CNTNAP2: variants seen among roughly 807,000 people sequenced by gnomAD.
The protein encoded by CNTNAP2 is contactin associated protein 2, also known as contactin-associated protein-like 2.
A neutral mutation model predicts 155.2 loss-of-function variants in CNTNAP2; 98 were observed. The observed-to-expected ratio is 0.63, with a 90% CI of 0.54 to 0.75. The LOEUF (loss-of-function observed/expected upper bound fraction) is 0.75, where lower values mean the gene tolerates loss of function less well. Among genes scored for constraint, CNTNAP2 ranks in the 30% least tolerant of loss-of-function variants. The probability of loss-of-function intolerance (pLI) is 0.00; values close to 1 mark genes in which losing one functional copy is unlikely to be tolerated. For synonymous variants in CNTNAP2, 651 were observed against 631.2 expected, an observed-to-expected ratio of 1.03 and a Z score of -0.47; for missense variants, 1,727 against 1,688.1, an observed-to-expected ratio of 1.02 and a Z score of -0.40.
intron 2 of CNTNAP2, among the ~76,000 whole-genome samples, chr7:146,784,676 T>A (rs1310182061): frequency 1.3e-5 from 2 of 152,160 alleles, no homozygotes; most frequent in African/African-American, 4.8e-5. Context: ...TAATGAGAAA[T>A]TTTGAGTGGA....
intron 13 of CNTNAP2, among the ~76,000 whole-genome samples, chr7:147,734,544 G>T (rs1386220741): frequency 1.3e-5 from 2 of 152,206 alleles, no homozygotes; most frequent in Admixed American, 6.5e-5. Context: ...ATGAGTTAGG[G>T]AGGATTCCCT....
At chr7:147,239,064 AGAGTGAGAGT>A (rs1407976747) in intron 8 of CNTNAP2, among the ~76,000 whole-genome samples, 1 of 152,350 alleles carries the variant, frequency 6.6e-6, no homozygotes, top group East Asian at 1.9e-4. Flanking sequence ...AAAGAAAAAG[AGAGTGAGAGT>A]GCAGGTCATT....
intron 13 of CNTNAP2, among the ~76,000 whole-genome samples, chr7:147,748,355 A>G (rs922484072): frequency 6.6e-6 from 1 of 152,130 alleles, no homozygotes; most frequent in African/African-American, 2.4e-5. Flanking sequence ...CATGCACATT[A>G]AGATGTGATG....
At chr7:147,027,029 A>AG (rs1346746848) in intron 3 of CNTNAP2, among the ~76,000 whole-genome samples, 1 of 121,272 alleles carries the variant, frequency 8.2e-6, no homozygotes, top group African/African-American at 2.9e-5. Flanking sequence ...AAAAAAAAGA[A>AG]AAAAAAAAAC....
chr7:147,049,968 T>C (rs1282143243), intron 4 of CNTNAP2, among the ~76,000 whole-genome samples: 1 of 152,220 alleles, frequency 6.6e-6, no homozygotes, highest in Non-Finnish European at 1.5e-5. Context: ...GCCACTGCTC[T>C]GAAGCCTTTA....
intron 1 of CNTNAP2, among the ~76,000 whole-genome samples, chr7:146,347,869 T>C (rs2129097988): frequency 6.6e-6 from 1 of 152,288 alleles, no homozygotes; most frequent in South Asian, 2.1e-4. Flanking sequence ...TTTCTTCTCT[T>C]GTTTCTTTCA....
At chr7:146,774,844 G>A (rs760226526) in intron 2 of CNTNAP2, among the ~76,000 whole-genome samples, 6 of 152,108 alleles carry the variant, frequency 3.9e-5, no homozygotes, top group Non-Finnish European at 7.4e-5. Flanking sequence ...CCAGAATGTA[G>A]CTCTATTATA....
At chr7:147,885,345 G>A (rs1799585994) in intron 13 of CNTNAP2, among the ~76,000 whole-genome samples, 1 of 152,214 alleles carries the variant, frequency 6.6e-6, no homozygotes, top group East Asian at 1.9e-4. Context: ...ATTCTCCAAG[G>A]CAATGTTTAT....
intron 8 of CNTNAP2, among the ~76,000 whole-genome samples, chr7:147,144,443 A>G (rs546378207): frequency 6.6e-6 from 1 of 152,316 alleles, no homozygotes; most frequent in Non-Finnish European, 1.5e-5. Context: ...GAGCTAACAC[A>G]TTCTCCACTT....
At chr7:146,674,562 T>C (rs1800364029) in intron 1 of CNTNAP2, among the ~76,000 whole-genome samples, 2 of 152,106 alleles carry the variant, frequency 1.3e-5, no homozygotes, top group South Asian at 4.2e-4. Context: ...CTGAGGCCTG[T>C]GAATTATACT....
intron 15 of CNTNAP2, among the ~76,000 whole-genome samples, chr7:148,010,865 T>C (rs550154280): frequency 6.6e-6 from 1 of 152,124 alleles, no homozygotes; most frequent in African/African-American, 2.4e-5. Context: ...TTGTCAATGC[T>C]GCACAAATTT....
chr7:147,469,337 T>A (rs1348892557), intron 10 of CNTNAP2, among the ~76,000 whole-genome samples: 2 of 151,944 alleles, frequency 1.3e-5, no homozygotes, highest in African/African-American at 2.4e-5. Flanking sequence ...TTTAATGAAA[T>A]ACTGATCTGA....
intron 11 of CNTNAP2, among the ~76,000 whole-genome samples, chr7:147,502,035 A>G (rs1487879730): frequency 2.6e-5 from 4 of 152,180 alleles, no homozygotes; most frequent in Admixed American, 1.3e-4. Flanking sequence ...GGATCCATAC[A>G]TTGATACCAT....
chr7:146,922,647 CT>C (rs1283351922), intron 3 of CNTNAP2, among the ~76,000 whole-genome samples: 1 of 152,142 alleles, frequency 6.6e-6, no homozygotes, highest in African/African-American at 2.4e-5. Context: ...CAGGATTCAA[CT>C]TTCATATGCC....
chr7:146,933,644 A>C (rs985908554), intron 3 of CNTNAP2, among the ~76,000 whole-genome samples: 1 of 148,572 alleles, frequency 6.7e-6, no homozygotes, highest in African/African-American at 2.5e-5. Context: ...CATCAGAGTG[A>C]ACAGGCAACC....
intron 1 of CNTNAP2, among the ~76,000 whole-genome samples, chr7:146,289,784 C>T (rs1464099550): frequency 1.3e-5 from 2 of 152,050 alleles, no homozygotes; most frequent in East Asian, 3.9e-4. Context: ...ATTTTATATT[C>T]CAGAGCAGAA....
At position 148,008,086 on chromosome 7, in the gene CNTNAP2, G is replaced by A. The variant is rs117264715; in HGVS notation, c.2383+30097G>A. Among the ~76,000 whole-genome samples, 583 of 152,104 alleles carry A rather than the reference G, an allele frequency of 3.8e-3. 4 individuals carry two copies. Among genetic ancestry groups the A allele is most frequent in the Non-Finnish European group, 2.9e-3 (195 of 67,990 alleles). On this transcript the variant is annotated intron_variant, in intron 15 of 23. Coordinates refer to ENST00000361727, the MANE Select transcript of CNTNAP2 (RefSeq NM_014141.6). ...TCCTTAAAAATAGTAGGAGGAGGCC[G>A]GGCACAGTGGCTCATGCCTGTAGTC...
intron 9 of CNTNAP2, among the ~76,000 whole-genome samples, chr7:147,331,794 T>G (rs1795575614): frequency 6.6e-6 from 1 of 152,212 alleles, no homozygotes; most frequent in African/African-American, 2.4e-5. Context: ...CCTTGTTCAC[T>G]TCTTGCCCCT....
intron 1 of CNTNAP2, among the ~76,000 whole-genome samples, chr7:146,567,954 T>A (rs1046186064): frequency 1.3e-5 from 2 of 152,166 alleles, no homozygotes; most frequent in Admixed American, 6.5e-5. Context: ...GAAAAACATT[T>A]TTTATATATT....
Sources: allele counts gnomAD v4.1 joint callset (sites outside exome capture counted in the v4.1 genomes callset), GRCh38; gene constraint gnomAD v4.1.1; transcripts MANE v1.5; gene names NCBI Gene and HGNC (gene_info 2026-07-23, HGNC 2026-07-21).